Variants in PTPRD observed in about 807,000 individuals in gnomAD.
The protein encoded by PTPRD is receptor-type tyrosine-protein phosphatase delta.
Under a neutral mutation model 214.5 loss-of-function variants are expected in PTPRD, and 34 were observed. That is an observed-to-expected ratio of 0.16 (90% CI 0.12 to 0.21). The LOEUF (loss-of-function observed/expected upper bound fraction) is 0.21, where lower values mean the gene tolerates loss of function less well. Ranked by LOEUF, PTPRD falls within the 10% of genes least tolerant of loss-of-function variation. PTPRD has a pLI of 1.00. For synonymous variants in PTPRD, 1,128 were observed against 845.7 expected, an observed-to-expected ratio of 1.33 and a Z score of -5.79; for missense variants, 2,545 against 2,398.7, an observed-to-expected ratio of 1.06 and a Z score of -1.27.
chr9:9,059,444 T>TATATAGAAATC (rs1329575453), intron 10 of PTPRD, among the ~76,000 whole-genome samples: 2 of 151,962 alleles, frequency 1.3e-5, no homozygotes, highest in Admixed American at 1.3e-4. Flanking sequence ...AAAGAATAAG[T>TATATAGAAATC]ATATAGAAAT....
chr9:9,830,254 A>G (rs1425576023), intron 5 of PTPRD, among the ~76,000 whole-genome samples: 1 of 151,806 alleles, frequency 6.6e-6, no homozygotes, highest in Non-Finnish European at 1.5e-5. Flanking sequence ...TCAAATGTCT[A>G]TTTGAAATAT....
chr9:8,766,373 A>G (rs1666044810), intron 11 of PTPRD, among the ~76,000 whole-genome samples: 1 of 151,942 alleles, frequency 6.6e-6, no homozygotes, highest in Non-Finnish European at 1.5e-5. Flanking sequence ...GTGTGAGTGT[A>G]CCCTGAGATG....
chr9:9,792,052 T>C (rs1355109576), intron 5 of PTPRD, among the ~76,000 whole-genome samples: 1 of 152,176 alleles, frequency 6.6e-6, no homozygotes, highest in African/African-American at 2.4e-5. Flanking sequence ...TATAATCGAA[T>C]GGGACTCCAA....
chr9:10,286,548 T>C (rs955044220), intron 3 of PTPRD, among the ~76,000 whole-genome samples: 1 of 134,522 alleles, frequency 7.4e-6, no homozygotes, highest in African/African-American at 3.2e-5. Flanking sequence ...GATTAAACAC[T>C]ATTGAAGCCA....
At position 8,339,033 on chromosome 9, in the gene PTPRD, T is replaced by G; in HGVS notation, c.5268A>C (p.Gln1756His). 6.2e-7 allele frequency: 1 copy of G among 1,611,614 alleles called. No homozygotes were observed. The highest frequency in any genetic ancestry group is 8.5e-7 in the Non-Finnish European group (1 of 1,178,384). Residue 1756 changes from glutamine (Q) to histidine (H), a missense_variant, in exon 43 of 46, where the codon CAA becomes CAC. Coordinates refer to ENST00000381196, the MANE Select transcript of PTPRD (RefSeq NM_002839.4). The part of the protein sequence containing the change: ...LREMGREKCH[Q>H]YWPAERSARY... ...TTGCAGACCGTTCTGCTGGCCAGTA[T>G]TGGTGACATTTCTCCTAAAAGGAGA...
At chr9:9,918,648 A>AAATACACT (rs1004052621) in intron 5 of PTPRD, among the ~76,000 whole-genome samples, 43 of 152,260 alleles carry the variant, frequency 2.8e-4, no homozygotes, top group African/African-American at 9.9e-4. Flanking sequence ...CCAGACTTCA[A>AAATACACT]AATACACTAC....
intron 7 of PTPRD, among the ~76,000 whole-genome samples, chr9:9,630,605 C>A (rs1386864808): frequency 6.6e-6 from 1 of 152,020 alleles, no homozygotes; most frequent in Non-Finnish European, 1.5e-5. Flanking sequence ...AGTAAAATGC[C>A]ATTTAAAAGA....
rs2099956900 is a variant in PTPRD, at chr9:9,222,679, C to A, written c.-202-39316G>T. On this transcript the variant is annotated intron_variant, in intron 9 of 45. Transcript: ENST00000381196. ...AATTATCTTTGCCAATGAGAAACAA[C>A]AGATACACCCTATTATCAGTCTTCA... 3.3e-5 allele frequency among the ~76,000 whole-genome samples: 5 copies of A among 151,918 alleles called. No homozygotes were observed. The South Asian group carries it at 8.3e-4, about 25-fold the overall frequency.
chr9:10,378,185 T>G (rs560163899), intron 2 of PTPRD, among the ~76,000 whole-genome samples: 96 of 152,236 alleles, frequency 6.3e-4, no homozygotes, highest in African/African-American at 2.2e-3. Flanking sequence ...CCTTTTCATA[T>G]GCCTGCTTCT....
At chr9:9,824,150 G>C (rs568216032) in intron 5 of PTPRD, among the ~76,000 whole-genome samples, 63 of 151,054 alleles carry the variant, frequency 4.2e-4, no homozygotes, top group South Asian at 1.3e-3. Context: ...TGGACCCTTA[G>C]CAAAGGTATC....
At chr9:9,393,852 A>G (rs777259889) in intron 9 of PTPRD, among the ~76,000 whole-genome samples, 1 of 152,172 alleles carries the variant, frequency 6.6e-6, no homozygotes, top group Non-Finnish European at 1.5e-5. Context: ...GGTAGTAATT[A>G]CCATCAATTT....
intron 4 of PTPRD, among the ~76,000 whole-genome samples, chr9:10,018,662 C>T (rs2154116578): frequency 6.9e-6 from 1 of 145,074 alleles, no homozygotes. Context: ...ATTCTCCTGC[C>T]TCAGCCTCCC....
intron 10 of PTPRD, among the ~76,000 whole-genome samples, chr9:9,036,026 C>A (rs769837678): frequency 6.6e-6 from 1 of 152,002 alleles, no homozygotes; most frequent in Non-Finnish European, 1.5e-5. Flanking sequence ...AATGTGCCTA[C>A]CTCTTTTGAA....
At chr9:9,794,917 A>G (rs533497824) in intron 5 of PTPRD, among the ~76,000 whole-genome samples, 38 of 152,356 alleles carry the variant, frequency 2.5e-4, no homozygotes, top group Non-Finnish European at 4.6e-4. Context: ...ATAACAGTTT[A>G]GAAGATGCTG....
intron 4 of PTPRD, among the ~76,000 whole-genome samples, chr9:9,966,734 G>A (rs1245542237): frequency 6.6e-6 from 1 of 152,102 alleles, no homozygotes; most frequent in Non-Finnish European, 1.5e-5. Flanking sequence ...TTCGGTCAGT[G>A]TTAACTGCTC....
chr9:8,715,550 G>C (rs1454883383), intron 12 of PTPRD, among the ~76,000 whole-genome samples: 1 of 152,172 alleles, frequency 6.6e-6, no homozygotes, highest in Non-Finnish European at 1.5e-5. Context: ...TACAGGATTT[G>C]AACTCAGATC....
chr9:10,378,300 C>A (rs184488532), intron 2 of PTPRD, among the ~76,000 whole-genome samples: 30 of 152,116 alleles, frequency 2.0e-4, no homozygotes, highest in Admixed American at 1.6e-3. Context: ...CTCGGCTGCA[C>A]AGAAGCTTTT....
chr9:9,634,571 A>G (rs113637696), intron 7 of PTPRD, among the ~76,000 whole-genome samples: 18 of 152,302 alleles, frequency 1.2e-4, no homozygotes, highest in African/African-American at 4.3e-4. Context: ...ATGCTTGATC[A>G]TATCTTTACC....
chr9:9,388,355 C>T (rs2064621318), intron 9 of PTPRD, among the ~76,000 whole-genome samples: 1 of 152,130 alleles, frequency 6.6e-6, no homozygotes, highest in Non-Finnish European at 1.5e-5. Flanking sequence ...CCAGGGACCA[C>T]ACACTCCTCT....
Sources: allele counts gnomAD v4.1 joint callset (sites outside exome capture counted in the v4.1 genomes callset), GRCh38; gene constraint gnomAD v4.1.1; transcripts MANE v1.5; gene names NCBI Gene and HGNC (gene_info 2026-07-23, HGNC 2026-07-21).